Variants in SMG6 observed in about 807,000 individuals in gnomAD.
The protein encoded by SMG6 is SMG6 nonsense mediated mRNA decay factor.
SMG6 carries 66 observed loss-of-function variants against 142.2 expected under a neutral mutation model. That is an observed-to-expected ratio of 0.46 (90% CI 0.38 to 0.57). The LOEUF (loss-of-function observed/expected upper bound fraction) is 0.57. Among genes scored for constraint, SMG6 ranks in the 20% least tolerant of loss-of-function variants. The pLI, the probability that SMG6 is intolerant of heterozygous loss-of-function variation, is 0.00. For missense variants in SMG6, 1,793 were observed against 1,832.0 expected, an observed-to-expected ratio of 0.98 and a Z score of 0.39; for synonymous variants, 779 against 702.4, an observed-to-expected ratio of 1.11 and a Z score of -1.72.
At chr17:2,117,332 C>T (rs984044850) in intron 13 of SMG6, among the ~76,000 whole-genome samples, 12 of 151,838 alleles carry the variant, frequency 7.9e-5, no homozygotes, top group Non-Finnish European at 8.8e-5. Context: ...AGAAAAAAAA[C>T]GCTGAAAGCA....
rs535849886 is a variant in SMG6 at position 2,283,497 on chromosome 17, G to A, written c.2448+128C>T. On this transcript the variant is annotated intron_variant, in intron 7 of 18. Coordinates refer to ENST00000263073, the MANE Select transcript of SMG6 (RefSeq NM_017575.5). ...CATTCCCCGAGGACACACAGACACT[G>A]AGCAATAACTGCACCTTGGATAAAC... is the stretch of plus-strand genomic sequence containing the variant. 5 of 734,498 alleles carry A rather than the reference G, an allele frequency of 6.8e-6. No individual in the cohort carries two copies. In the African/African-American group the frequency reaches 8.6e-5, roughly 13 times the overall value. 45.5% of individuals were successfully genotyped at this position (734,498 alleles called of 1,614,324 possible).
chr17:2,161,412 A>ATTTTTTTTT (rs200153348), intron 13 of SMG6, among the ~76,000 whole-genome samples: 1 of 143,904 alleles, frequency 6.9e-6, no homozygotes. Context: ...GCCTTTATTT[A>ATTTTTTTTT]TTTATTTTTT....
chr17:2,227,596 G>C (rs577295030), intron 10 of SMG6, among the ~76,000 whole-genome samples: 1 of 152,252 alleles, frequency 6.6e-6, no homozygotes, highest in South Asian at 2.1e-4. Context: ...AGATCAACTG[G>C]GATGGGCACA....
intron 13 of SMG6, among the ~76,000 whole-genome samples, chr17:2,161,565 G>C (rs894922814): frequency 6.6e-6 from 1 of 151,862 alleles, no homozygotes; most frequent in Non-Finnish European, 1.5e-5. Context: ...CCAAAGTTTG[G>C]AGTCCAGGAC....
At position 2,059,882 on chromosome 17, in the gene SMG6, A is replaced by C. The variant is rs1314965286; in HGVS notation, c.*1610T>G. On this transcript the variant is annotated 3_prime_UTR_variant, in exon 19 of 19. Transcript: ENST00000263073. The stretch of plus-strand genomic sequence containing the variant: ...AAAAATTTATTAAGGAAACAAAACC[A>C]GTGCTGCAAACGGGACAGAAAGGAG... 6.2e-6 allele frequency: 1 copy of C among 162,122 alleles called. No individual in the cohort carries two copies. The highest frequency in any genetic ancestry group is 6.5e-5 in the Admixed American group (1 of 15,292). 10.0% of individuals were successfully genotyped at this position (162,122 alleles called of 1,614,324 possible). A position where few individuals can be genotyped will look rare whatever the true frequency, so the allele number is the denominator to read the frequency against.
intron 10 of SMG6, among the ~76,000 whole-genome samples, chr17:2,201,581 A>C (rs912428482): frequency 3.3e-5 from 5 of 151,610 alleles, no homozygotes; most frequent in African/African-American, 1.2e-4. Flanking sequence ...AATGCCAACT[A>C]CGCAGGAGAA....
chr17:2,206,656 G>A (rs1412538086), intron 10 of SMG6, among the ~76,000 whole-genome samples: 3 of 151,986 alleles, frequency 2.0e-5, no homozygotes, highest in African/African-American at 7.3e-5. Context: ...CAAGGCAGGC[G>A]GATTGCCTGA....
At chr17:2,298,132 A>C in intron 2 of SMG6, 77 bp from the exon 3 acceptor site, 1 of 1,344,352 alleles carries the variant, frequency 7.4e-7, no homozygotes. Context: ...AGATTCCTGC[A>C]AATTAACCAC....
chr17:2,131,575 C>T (rs1485790916), intron 13 of SMG6, among the ~76,000 whole-genome samples: 1 of 152,114 alleles, frequency 6.6e-6, no homozygotes, highest in Non-Finnish European at 1.5e-5. Context: ...TGGGGGATTC[C>T]AGGCATGAGC....
chr17:2,156,091 A>G (rs7220685), intron 13 of SMG6, among the ~76,000 whole-genome samples: 51,860 of 146,460 alleles, frequency 0.35, 9,855 homozygotes, highest in African/African-American at 0.5. Context: ...AGGGGCACTC[A>G]GATTAGATAG....
intron 8 of SMG6, among the ~76,000 whole-genome samples, chr17:2,256,720 A>T (rs2074188713): frequency 6.6e-6 from 1 of 152,210 alleles, no homozygotes; most frequent in Non-Finnish European, 1.5e-5. Flanking sequence ...GATTGCAGTG[A>T]GCCGTGATGG....
intron 10 of SMG6, among the ~76,000 whole-genome samples, chr17:2,235,515 G>C (rs1294868206): frequency 6.6e-6 from 1 of 152,054 alleles, no homozygotes; most frequent in South Asian, 2.1e-4. Flanking sequence ...TATGAAAAGG[G>C]GCAACAAGAG....
At chr17:2,230,547 G>A (rs1202271578) in intron 10 of SMG6, among the ~76,000 whole-genome samples, 4 of 152,072 alleles carry the variant, frequency 2.6e-5, no homozygotes, top group African/African-American at 9.6e-5. Flanking sequence ...TCATTTCTTT[G>A]GCTTTTCCTA....
At chr17:2,174,976 C>G (rs188078384) in intron 12 of SMG6, among the ~76,000 whole-genome samples, 1 of 152,318 alleles carries the variant, frequency 6.6e-6, no homozygotes, top group African/African-American at 2.4e-5. Context: ...GCCCCACAGC[C>G]CTGATAGTTT....
At chr17:2,251,926 AC>A (rs1379302911) in intron 8 of SMG6, among the ~76,000 whole-genome samples, 1 of 151,280 alleles carries the variant, frequency 6.6e-6, no homozygotes, top group East Asian at 2.0e-4. Flanking sequence ...ACATGGAGAA[AC>A]CCCATCTCTA....
At chr17:2,110,974 C>T (rs1473911640) in intron 13 of SMG6, among the ~76,000 whole-genome samples, 9 of 152,216 alleles carry the variant, frequency 5.9e-5, no homozygotes, top group Admixed American at 3.3e-4. Flanking sequence ...AAGGCCGCTA[C>T]GCCCACCTTC....
chr17:2,228,923 C>T (rs533583409), intron 10 of SMG6, among the ~76,000 whole-genome samples: 13 of 152,202 alleles, frequency 8.5e-5, no homozygotes, highest in African/African-American at 3.1e-4. Flanking sequence ...TCTCACACTC[C>T]TTTCTGTATC....
intron 18 of SMG6, among the ~76,000 whole-genome samples, chr17:2,064,813 C>T (rs955091844): frequency 2.6e-5 from 4 of 151,780 alleles, no homozygotes; most frequent in African/African-American, 7.2e-5. Context: ...CGGATGCATG[C>T]GGGGTGAAGA....
chr17:2,290,419 A>G (rs1306957291), intron 6 of SMG6, among the ~76,000 whole-genome samples: 1 of 152,236 alleles, frequency 6.6e-6, no homozygotes, highest in Admixed American at 6.5e-5. Context: ...CTGCATCAAT[A>G]AATCTATACA....
Sources: allele counts gnomAD v4.1 joint callset (sites outside exome capture counted in the v4.1 genomes callset), GRCh38; gene constraint gnomAD v4.1.1; transcripts MANE v1.5; gene names NCBI Gene and HGNC (gene_info 2026-07-23, HGNC 2026-07-21).